The following ACOX2 variants were observed in gnomAD, a reference collection of about 807,000 sequenced individuals.
The protein encoded by ACOX2 is acyl-CoA oxidase 2.
A neutral mutation model predicts 77.5 loss-of-function variants in ACOX2; 59 were observed. The observed-to-expected ratio is 0.76, with a 90% CI of 0.62 to 0.95. ACOX2 has a LOEUF of 0.95. ACOX2 is among the 40% of genes least tolerant of loss of function. The pLI is 0.00. For synonymous variants in ACOX2, 317 were observed against 340.1 expected, an observed-to-expected ratio of 0.93 and a Z score of 0.75; for missense variants, 837 against 880.4, an observed-to-expected ratio of 0.95 and a Z score of 0.62.
In ACOX2 at chr3:58,514,857, C is replaced by A. The variant is rs550703501; in HGVS notation, c.1850+2349G>T. Reference sequence around the variant, plus strand: ...CATTATTTTCAAGTGCTTTTAAATTCTGAGAGTTTCAAAAAGATGGACACC... The same window carrying A: ...CATTATTTTCAAGTGCTTTTAAATTATGAGAGTTTCAAAAAGATGGACACC... On this transcript the variant is annotated intron_variant, in intron 13 of 14. Transcript: ENST00000302819. The surrounding 1 kb of genome is among the most constrained non-coding windows in gnomAD (Gnocchi z 4.3). 6.6e-6 allele frequency among the ~76,000 whole-genome samples: 1 copy of A among 152,242 alleles called. No individual in the cohort carries two copies. Among genetic ancestry groups the A allele is most frequent in the Non-Finnish European group, 1.5e-5 (1 of 68,020 alleles).
chr3:58,525,634 T>G lies in ACOX2; in HGVS notation c.1346+832A>C, dbSNP rs1309072650. Among the ~76,000 whole-genome samples, 1 of 152,164 alleles carries G rather than the reference T, an allele frequency of 6.6e-6. No individual in the cohort carries two copies. Among genetic ancestry groups the G allele is most frequent in the Non-Finnish European group, 1.5e-5 (1 of 68,032 alleles). On this transcript the variant is annotated intron_variant, in intron 10 of 14. Coordinates refer to ENST00000302819, the MANE Select transcript of ACOX2 (RefSeq NM_003500.4). The surrounding 1 kb of genome is among the most constrained non-coding windows in gnomAD (Gnocchi z 5.0). ...ACAAAAAAATGAGACAATGATAGAT[T>G]GTGAAACTGCTCCAAAGGAAACAAG...
chr3:58,516,428 A>C (rs1309589437), intron 13 of ACOX2, among the ~76,000 whole-genome samples: 2 of 152,214 alleles, frequency 1.3e-5, no homozygotes, highest in East Asian at 3.8e-4. Context: ...ATCAGCCTGA[A>C]TTTCCTTTCC....
rs151149918 is a variant in ACOX2, at chr3:58,505,735, T to TTG, written c.1984-451_1984-450dup. ...AGTCTCATCTTTTATAATATTTACT[T>TTG]TGTGTGTGTGTGTGTGCCTGTCTAC... On this transcript the variant is annotated intron_variant, in intron 14 of 14. Transcript: ENST00000302819. The surrounding 1 kb of genome is among the most constrained non-coding windows in gnomAD (Gnocchi z 4.4). Among the ~76,000 whole-genome samples the TTG allele has an allele frequency of 8.6e-3, 1,306 of 151,532 alleles. 12 individuals are homozygous for TTG. Among genetic ancestry groups the TTG allele is most frequent in the Non-Finnish European group, 0.014 (946 of 67,810 alleles).
At chr3:58,527,536 G>GGAAAAAAAAAAAA (rs2063404986) in intron 9 of ACOX2, among the ~76,000 whole-genome samples, 1 of 107,752 alleles carries the variant, frequency 9.3e-6, no homozygotes, top group Non-Finnish European at 1.8e-5. Flanking sequence ...ACTGTCTCAG[G>GGAAAAAAAAAAAA]AAAAAAAAAA....
At position 58,505,769 on chromosome 3, in the gene ACOX2, T is replaced by C. The variant is rs2063229773; in HGVS notation, c.1984-483A>G. Among the ~76,000 whole-genome samples the C allele has an allele frequency of 6.6e-6, 1 of 151,876 alleles. No homozygotes were observed. The highest frequency in any genetic ancestry group is 1.5e-5 in the Non-Finnish European group (1 of 68,008). ...TGTGTGTGCCTGTCTACACTAAAACTGTAAGCTCCTCGAACACTGGGCTTT... is the reference window on the plus strand; with the variant it reads ...TGTGTGTGCCTGTCTACACTAAAACCGTAAGCTCCTCGAACACTGGGCTTT... On this transcript the variant is annotated intron_variant, in intron 14 of 14. Transcript: ENST00000302819. This position sits in a 1 kb window ranked among gnomAD's most constrained non-coding sequence, Gnocchi z 4.4.
Position 58,526,468 on chromosome 3 carries a change from G to A in ACOX2, c.1344C>T (p.Ala448=), listed in dbSNP as rs1355519395. The change falls in exon 10 of 15, where the codon GCC becomes GCT. Residue 448 remains alanine (A), a splice_region_variant and synonymous_variant. Transcript: ENST00000302819. The surrounding 1 kb of genome is among the most constrained non-coding windows in gnomAD (Gnocchi z 4.3). ...GCCTGGGTCAGCCTGGACCTTACCT[G>A]GCCACCTGCAGGTAGAGCACTGTGT... The part of the protein sequence containing the change: ...GENTVLYLQV[A]RFLVKSYLQT... 6.2e-7 allele frequency: 1 copy of A among 1,611,280 alleles called. No individual in the cohort carries two copies. Among genetic ancestry groups the A allele is most frequent in the South Asian group, 1.1e-5 (1 of 90,558 alleles).
Position 58,525,538 on chromosome 3 carries a change from G to A in ACOX2, c.1346+928C>T, listed in dbSNP as rs183447384. ...CACCAAGCTTAGGCGATGCTAAAGC[G>A]AGCAAGGTAGGGGTAGTCCCTGCCC... On this transcript the variant is annotated intron_variant, in intron 10 of 14. Transcript: ENST00000302819. This position sits in a 1 kb window ranked among gnomAD's most constrained non-coding sequence, Gnocchi z 5.0. 3.5e-4 allele frequency among the ~76,000 whole-genome samples: 54 copies of A among 152,322 alleles called. No homozygotes were observed. Among genetic ancestry groups the A allele is most frequent in the Admixed American group, 3.2e-3 (49 of 15,298 alleles).
intron 13 of ACOX2, among the ~76,000 whole-genome samples, chr3:58,510,203 T>C (rs1260386191): frequency 2.0e-5 from 3 of 152,100 alleles, no homozygotes; most frequent in Non-Finnish European, 2.9e-5. Context: ...TGGGATACTG[T>C]ATCCAATGTA....
chr3:58,524,650 G>C lies in ACOX2; in HGVS notation c.1347-45C>G. The C allele has an allele frequency of 6.3e-7, 1 of 1,586,540 alleles. No homozygotes were observed. Reference sequence around the variant, plus strand: ...GCAGGTGAGAGGGCAGAGACTCTGTGAGACAGCCCAGCACCCCTCACTCCC... The same window carrying C: ...GCAGGTGAGAGGGCAGAGACTCTGTCAGACAGCCCAGCACCCCTCACTCCC... On this transcript the variant is annotated intron_variant, in intron 10 of 14. Coordinates refer to ENST00000302819, the MANE Select transcript of ACOX2 (RefSeq NM_003500.4). The surrounding 1 kb of genome is among the most constrained non-coding windows in gnomAD (Gnocchi z 5.5).
Position 58,528,834 on chromosome 3 carries a change from T to C in ACOX2, c.1115A>G (p.Tyr372Cys), listed in dbSNP as rs767173404. 3.1e-6 allele frequency: 5 copies of C among 1,613,526 alleles called. No homozygotes were observed. The Admixed American group carries it at 6.7e-5, about 22-fold the overall frequency. Residue 372 changes from tyrosine (Y) to cysteine (C), a missense_variant, in exon 9 of 15, where the codon TAC (tyrosine) becomes TGC (cysteine). Tyr to Cys is a radical substitution (Grantham distance 194). Transcript: ENST00000302819. This position sits in a 1 kb window ranked among gnomAD's most constrained non-coding sequence, Gnocchi z 5.6. Reference sequence around the variant, plus strand: ...GAAGTCTTGGTTCAGAATGGCAGTGTAGGAGTGCTGGAAGAACTCCAAGAG... The same window carrying C: ...GAAGTCTTGGTTCAGAATGGCAGTGCAGGAGTGCTGGAAGAACTCCAAGAG... ...VSLLEFFQHS[Y>C]TAILNQDFSF...
rs1221379271 is a variant in ACOX2, at chr3:58,526,367, C to T, written c.1346+99G>A. The stretch of plus-strand genomic sequence containing the variant: ...GCTCCCAAATAGCACTTCGCAAAGC[C>T]TGCTCTTTTTATGGGCCTCAGACGG... On this transcript the variant is annotated intron_variant, in intron 10 of 14. Coordinates refer to ENST00000302819, the MANE Select transcript of ACOX2 (RefSeq NM_003500.4). The surrounding 1 kb of genome is among the most constrained non-coding windows in gnomAD (Gnocchi z 4.3). 2 of 1,371,956 alleles carry T rather than the reference C, an allele frequency of 1.5e-6. No homozygotes were observed. Among genetic ancestry groups the T allele is most frequent in the African/African-American group, 1.5e-5 (1 of 68,024 alleles). 85.0% of individuals were successfully genotyped at this position (1,371,956 alleles called of 1,614,324 possible).
chr3:58,527,399 G>T (rs1221494525), intron 9 of ACOX2, among the ~76,000 whole-genome samples: 1 of 152,082 alleles, frequency 6.6e-6, no homozygotes, highest in Non-Finnish European at 1.5e-5. Flanking sequence ...AGCTGGGCGT[G>T]GTGGCGTGCA....
chr3:58,510,911 C>T (rs1244718153), intron 13 of ACOX2: 3 of 451,644 alleles, frequency 6.6e-6, no homozygotes, highest in Admixed American at 2.4e-5. Flanking sequence ...GCTCAGCAAT[C>T]GTATTACATT....
At chr3:58,518,382 G>A (rs2063337117) in intron 12 of ACOX2, among the ~76,000 whole-genome samples, 2 of 152,106 alleles carry the variant, frequency 1.3e-5, no homozygotes, top group African/African-American at 4.8e-5. Flanking sequence ...ACTCCTTCCC[G>A]AAGACCCCCT....
rs1386831866 is a variant in ACOX2, at chr3:58,512,214, A to G, written c.1851-3189T>C. Among the ~76,000 whole-genome samples, 2 of 152,158 alleles carry G rather than the reference A, an allele frequency of 1.3e-5. No individual in the cohort carries two copies. The highest frequency in any genetic ancestry group is 6.5e-5 in the Admixed American group (1 of 15,276). ...AATGGCAGCTCTGCCCTTCTGACCAAAAACCTTGATTCTTCTCTTCTTTCT... is the reference window on the plus strand; with the variant it reads ...AATGGCAGCTCTGCCCTTCTGACCAGAAACCTTGATTCTTCTCTTCTTTCT... On this transcript the variant is annotated intron_variant, in intron 13 of 14. Coordinates refer to ENST00000302819, the MANE Select transcript of ACOX2 (RefSeq NM_003500.4). The surrounding 1 kb of genome is among the most constrained non-coding windows in gnomAD (Gnocchi z 4.8).
Position 58,522,953 on chromosome 3 carries a change from C to G in ACOX2, c.1527-352G>C. 1 of 258,646 alleles carries G rather than the reference C, an allele frequency of 3.9e-6. No homozygotes were observed. Among genetic ancestry groups the G allele is most frequent in the Non-Finnish European group, 7.8e-6 (1 of 128,692 alleles). The allele number at this position is 258,646 out of a possible 1,614,324, so 16.0% of individuals were successfully genotyped here. On this transcript the variant is annotated intron_variant, in intron 11 of 14. Coordinates refer to ENST00000302819, the MANE Select transcript of ACOX2 (RefSeq NM_003500.4). This position sits in a 1 kb window ranked among gnomAD's most constrained non-coding sequence, Gnocchi z 4.3. ...TTCTAATGCAGATTCCAGCCTCACA[C>G]CAGTATGTTCAGGCCTTTTTGTTGA...
rs2063469043 is a variant in ACOX2 at position 58,534,819 on chromosome 3, G to A, written c.160+128C>T. On this transcript the variant is annotated intron_variant, in intron 2 of 14. Coordinates refer to ENST00000302819, the MANE Select transcript of ACOX2 (RefSeq NM_003500.4). This position sits in a 1 kb window ranked among gnomAD's most constrained non-coding sequence, Gnocchi z 4.8. ...GATTGTCTTTACAGTTCGAAGGAAT[G>A]AATCTCTAACAGTGGAATTTCAAGG... 1.4e-6 allele frequency: 2 copies of A among 1,465,202 alleles called. No homozygotes were observed. The highest frequency in any genetic ancestry group is 1.9e-6 in the Non-Finnish European group (2 of 1,062,296). The allele number at this position is 1,465,202 out of a possible 1,614,324, so 90.8% of individuals were successfully genotyped here.
Position 58,512,919 on chromosome 3 carries a change from G to C in ACOX2, c.1851-3894C>G, listed in dbSNP as rs1425085093. Among the ~76,000 whole-genome samples, 1 of 152,180 alleles carries C rather than the reference G, an allele frequency of 6.6e-6. No homozygotes were observed. The highest frequency in any genetic ancestry group is 1.5e-5 in the Non-Finnish European group (1 of 68,030). ...TAAGTACACTCTGTGATGTTCACAT[G>C]ATGACAGACTCACCTGAAGACACAT... On this transcript the variant is annotated intron_variant, in intron 13 of 14. Coordinates refer to ENST00000302819, the MANE Select transcript of ACOX2 (RefSeq NM_003500.4). The surrounding 1 kb of genome is among the most constrained non-coding windows in gnomAD (Gnocchi z 4.8).
chr3:58,534,552 G>A lies in ACOX2; in HGVS notation c.161-30C>T. ...AGAGGACAGAGAACAGAGGGCTTAG[G>A]GACCTGGGTGAGGTTTCTGGCACCT... On this transcript the variant is annotated intron_variant, in intron 2 of 14. Coordinates refer to ENST00000302819, the MANE Select transcript of ACOX2 (RefSeq NM_003500.4). The surrounding 1 kb of genome is among the most constrained non-coding windows in gnomAD (Gnocchi z 4.8). The A allele has an allele frequency of 6.2e-7, 1 of 1,614,136 alleles. No individual in the cohort carries two copies. Among genetic ancestry groups the A allele is most frequent in the Non-Finnish European group, 8.5e-7 (1 of 1,180,020 alleles).
Sources: allele counts gnomAD v4.1 joint callset (sites outside exome capture counted in the v4.1 genomes callset), GRCh38; gene constraint gnomAD v4.1.1; non-coding constraint Gnocchi (gnomAD v3.1); transcripts MANE v1.5; gene names NCBI Gene and HGNC (gene_info 2026-07-23, HGNC 2026-07-21).